DIS3: variants seen among roughly 807,000 people sequenced by gnomAD.
DIS3 encodes DIS3 exosome endoribonuclease and 3'-5' exoribonuclease.
DIS3 carries 103 observed loss-of-function variants against 113.0 expected under a neutral mutation model. The observed-to-expected ratio is 0.91, with a 90% confidence interval of 0.78 to 1.07. The LOEUF is 1.07. Among genes scored for constraint, DIS3 ranks in the 50% least tolerant of loss-of-function variants. DIS3 has a pLI of 0.00. For synonymous variants in DIS3, 402 were observed against 394.3 expected (o/e 1.02, Z -0.23); for missense variants, 1,121 against 1,167.1 (o/e 0.96, Z 0.58).
intron 7 of DIS3, 40 bp from the exon 8 acceptor site, chr13:72,773,861 T>A: frequency 1.3e-6 from 2 of 1,596,880 alleles, no homozygotes; most frequent in Middle Eastern, 1.7e-4. Context: ...ACAAAAAAAA[T>A]CTGAGGATGG....
At chr13:72,764,033 T>A (rs2033691909) in intron 15 of DIS3, among the ~76,000 whole-genome samples, 1 of 151,998 alleles carries the variant, frequency 6.6e-6, no homozygotes, top group African/African-American at 2.4e-5. Context: ...ACTCCTGTAG[T>A]CCCGGCTACT....
chr13:72,767,686 T>C (rs1430398399), intron 14 of DIS3, among the ~76,000 whole-genome samples: 1 of 152,244 alleles, frequency 6.6e-6, no homozygotes, highest in Non-Finnish European at 1.5e-5. Context: ...CATGTGGCTA[T>C]TGAGCACTTG....
chr13:72,781,329 AG>A, intron 1 of DIS3: 1 of 1,551,254 alleles, frequency 6.4e-7, no homozygotes, highest in Non-Finnish European at 8.7e-7. Context: ...ACAGAAGCCC[AG>A]GTCCCCGGCC....
chr13:72,776,695 A>C (rs2034025821), intron 4 of DIS3, among the ~76,000 whole-genome samples: 1 of 152,210 alleles, frequency 6.6e-6, no homozygotes, highest in African/African-American at 2.4e-5. Flanking sequence ...TGAAGTTATT[A>C]TTGCTAAACA....
chr13:72,773,291 G>A (rs1035559250), intron 8 of DIS3, among the ~76,000 whole-genome samples: 3 of 152,038 alleles, frequency 2.0e-5, no homozygotes, highest in Non-Finnish European at 4.4e-5. Flanking sequence ...CCAACACAGC[G>A]AAACCCTATG....
At chr13:72,781,432 G>T in intron 1 of DIS3, 173 bp downstream of exon 1, 5 of 1,503,978 alleles carry the variant, frequency 3.3e-6, no homozygotes, top group Non-Finnish European at 3.6e-6. Flanking sequence ...ATTTTTTAAA[G>T]CACAAGGAAA....
chr13:72,760,742 T>C, intron 19 of DIS3, 91 bp from the exon 20 acceptor site: 1 of 1,442,784 alleles, frequency 6.9e-7, no homozygotes, highest in Non-Finnish European at 9.3e-7. Context: ...ATAGTAGAAG[T>C]TTAAATATAA....
At chr13:72,771,172 G>A in intron 11 of DIS3, 27 bp from the exon 12 acceptor site, 1 of 1,583,824 alleles carries the variant, frequency 6.3e-7, no homozygotes, top group Non-Finnish European at 8.7e-7. Flanking sequence ...TAGAACCACA[G>A]ATTACTTAGC....
intron 5 of DIS3, among the ~76,000 whole-genome samples, 185 bp downstream of exon 5, chr13:72,775,740 G>T (rs564993936): frequency 6.6e-6 from 1 of 150,696 alleles, no homozygotes; most frequent in African/African-American, 2.4e-5. Flanking sequence ...AATGCCATGC[G>T]CAAAGATTTA....
intron 10 of DIS3, 83 bp downstream of exon 10, chr13:72,772,076 C>A: frequency 1.1e-5 from 14 of 1,321,432 alleles, no homozygotes; most frequent in Non-Finnish European, 1.5e-5. Context: ...GAGTAATTAA[C>A]AAGCAAATTC....
At position 72,763,449 on chromosome 13, in the gene DIS3, A is replaced by G; in HGVS notation, c.2127+2T>C. ...ATGATTTTTCAAACTGTAGGACCTTACCCTTGACCTGGCTGCCTTAACAAG... is the reference window on the plus strand; with the variant it reads ...ATGATTTTTCAAACTGTAGGACCTTGCCCTTGACCTGGCTGCCTTAACAAG... On this transcript the variant is annotated splice_donor_variant, in intron 16 of 20. Coordinates refer to ENST00000377767, the MANE Select transcript of DIS3 (RefSeq NM_014953.5). LOFTEE classifies it high-confidence loss of function. The G allele has an allele frequency of 6.2e-7, 1 of 1,611,294 alleles. No homozygotes were observed. The highest frequency in any genetic ancestry group is 8.5e-7 in the Non-Finnish European group (1 of 1,179,224).
At chr13:72,764,853 T>C (rs767783383) in intron 15 of DIS3, among the ~76,000 whole-genome samples, 1 of 152,152 alleles carries the variant, frequency 6.6e-6, no homozygotes, top group Non-Finnish European at 1.5e-5. Flanking sequence ...ATATTTTACT[T>C]TGGCAAAGCT....
chr13:72,772,917 T>C, intron 8 of DIS3, 78 bp from the exon 9 acceptor site: 1 of 1,444,780 alleles, frequency 6.9e-7, no homozygotes, highest in Non-Finnish European at 9.3e-7. Context: ...CTTCAGCATT[T>C]ACATATCTTC....
chr13:72,770,768 T>A (rs1593844549), intron 13 of DIS3, 136 bp downstream of exon 13: 1 of 411,692 alleles, frequency 2.4e-6, no homozygotes. Flanking sequence ...ATACATAACA[T>A]CTCTTTTCAA....
intron 16 of DIS3, 119 bp from the exon 17 acceptor site, chr13:72,762,256 C>T: frequency 2.2e-6 from 2 of 921,940 alleles, no homozygotes; most frequent in East Asian, 2.6e-5. Flanking sequence ...TTTTCCTTCC[C>T]TTCAAAGTAG....
rs373364415 is a variant in DIS3, at chr13:72,771,366, A to G, written c.1606-221T>C. ...AAGCTATGAAGGAAAACTGGACTTCATGCCAATTAATCTAAGTTTAAGCCC... is the reference window on the plus strand; with the variant it reads ...AAGCTATGAAGGAAAACTGGACTTCGTGCCAATTAATCTAAGTTTAAGCCC... On this transcript the variant is annotated intron_variant, in intron 11 of 20. Transcript: ENST00000377767. Among the ~76,000 whole-genome samples the G allele has an allele frequency of 9.5e-4, 144 of 152,330 alleles. No individual in the cohort carries two copies. The Middle Eastern group carries it at 0.02, about 22-fold the overall frequency.
chr13:72,778,531 G>T, intron 2 of DIS3, 151 bp from the exon 3 acceptor site: 1 of 497,232 alleles, frequency 2.0e-6, no homozygotes, highest in Non-Finnish European at 3.3e-6. Context: ...CCTCAGAGAA[G>T]AAATCAAGAT....
At position 72,763,564 on chromosome 13, in the gene DIS3, T is replaced by C. The variant is rs760666577; in HGVS notation, c.2014A>G (p.Ile672Val). 6.2e-7 allele frequency: 1 copy of C among 1,613,618 alleles called. No individual in the cohort carries two copies. The highest frequency in any genetic ancestry group is 1.1e-5 in the South Asian group (1 of 90,904). The change falls in exon 16 of 21, where the codon ATT becomes GTT. Residue 672 changes from isoleucine (I) to valine (V), a missense_variant. Around this residue, in one of 3 missense-constraint regions of DIS3, gnomAD observed 861 missense variants for 915.5 expected, o/e 0.94. Transcript: ENST00000377767. The part of the protein sequence containing the change: ...MVEEFMLLAN[I>V]SVAKKIHEEF... ...TCATGAATTTTTTTTGCAACAGAAA[T>C]ATTGGCAAGTAACATAAATTCTTCA...
At chr13:72,765,161 TA>T (rs1407801922) in intron 15 of DIS3, among the ~76,000 whole-genome samples, 2 of 152,124 alleles carry the variant, frequency 1.3e-5, no homozygotes, top group Non-Finnish European at 2.9e-5. Context: ...ACATCTTAAC[TA>T]AATCAATAAA....
Sources: allele counts gnomAD v4.1 joint callset (sites outside exome capture counted in the v4.1 genomes callset), GRCh38; gene constraint gnomAD v4.1.1; regional missense constraint gnomAD v4.1.1; transcripts MANE v1.5; gene names NCBI Gene and HGNC (gene_info 2026-07-23, HGNC 2026-07-21).